Variants in LPP observed in about 807,000 individuals in gnomAD.
LPP encodes the protein LIM domain containing preferred translocation partner in lipoma.
A neutral mutation model predicts 60.4 loss-of-function variants in LPP; 38 were observed. The observed-to-expected ratio is 0.63, with a 90% CI of 0.49 to 0.83. The LOEUF is 0.83. LPP is among the 40% of genes least tolerant of loss of function. The pLI is 0.00. For synonymous variants in LPP, 328 were observed against 290.8 expected (o/e 1.13, Z -1.30); for missense variants, 902 against 783.6 (o/e 1.15, Z -1.80).
At chr3:188,737,701 G>A (rs1723010361) in intron 8 of LPP, among the ~76,000 whole-genome samples, 1 of 152,196 alleles carries the variant, frequency 6.6e-6, no homozygotes, top group Admixed American at 6.5e-5. Flanking sequence ...GTTTGCTGCT[G>A]AATGTATCAG....
chr3:188,298,463 C>T (rs1399355340), intron 2 of LPP, among the ~76,000 whole-genome samples: 1 of 152,132 alleles, frequency 6.6e-6, no homozygotes, highest in Non-Finnish European at 1.5e-5. Context: ...ATTGTTCTCA[C>T]CTAAGTCTGT....
intron 2 of LPP, among the ~76,000 whole-genome samples, chr3:188,292,788 A>G (rs549375282): frequency 1.3e-5 from 2 of 152,312 alleles, no homozygotes; most frequent in South Asian, 2.1e-4. Flanking sequence ...CATGCTTTAT[A>G]AGGAGGCAGA....
At chr3:188,555,381 T>G (rs1342172369) in intron 6 of LPP, among the ~76,000 whole-genome samples, 1 of 152,260 alleles carries the variant, frequency 6.6e-6, no homozygotes, top group East Asian at 1.9e-4. Context: ...CAGGCAGCTT[T>G]CTGTAGGCTA....
Position 188,295,676 on chromosome 3 carries a change from C to A in LPP, c.-66-45987C>A, listed in dbSNP as rs1168579771. On this transcript the variant is annotated intron_variant, in intron 2 of 11. Transcript: ENST00000617246. ...CCTCAGCCTCCCGAGTAACCTGGAA[C>A]AACAGGCATGCACCACTGTGCCCAC... is the stretch of plus-strand genomic sequence containing the variant. 2.6e-5 allele frequency among the ~76,000 whole-genome samples: 4 copies of A among 152,054 alleles called. No individual in the cohort carries two copies. The South Asian group carries it at 8.3e-4, about 32-fold the overall frequency.
At chr3:188,314,140 A>T (rs1754353946) in intron 2 of LPP, among the ~76,000 whole-genome samples, 1 of 152,182 alleles carries the variant, frequency 6.6e-6, no homozygotes, top group Admixed American at 6.5e-5. Flanking sequence ...TAGAATAGTA[A>T]ATATTAAATA....
At chr3:188,471,401 T>C (rs1376556629) in intron 4 of LPP, among the ~76,000 whole-genome samples, 1 of 152,182 alleles carries the variant, frequency 6.6e-6, no homozygotes, top group African/African-American at 2.4e-5. Flanking sequence ...TTAGTCTAGA[T>C]ATGAGGTAAC....
chr3:188,434,028 G>C (rs1291232459), intron 4 of LPP, among the ~76,000 whole-genome samples: 1 of 152,100 alleles, frequency 6.6e-6, no homozygotes, highest in Non-Finnish European at 1.5e-5. Flanking sequence ...GTTTCCAGTT[G>C]CGATCTGGAT....
In LPP at chr3:188,878,401, T is replaced by C; in HGVS notation, c.*3922T>C. 1 of 215,818 alleles carries C rather than the reference T, an allele frequency of 4.6e-6. No individual in the cohort carries two copies. The highest frequency in any genetic ancestry group is 9.4e-6 in the Non-Finnish European group (1 of 106,822). The allele number at this position is 215,818 out of a possible 1,614,324, so 13.4% of individuals were successfully genotyped here. On this transcript the variant is annotated 3_prime_UTR_variant, in exon 12 of 12. Transcript: ENST00000617246. ...TCATATACATTTCTAGAAATATTGC[T>C]ATTCTACCTTAGTATTTCACATTTG...
chr3:188,240,713 T>A (rs1724217423), intron 2 of LPP, among the ~76,000 whole-genome samples: 1 of 152,144 alleles, frequency 6.6e-6, no homozygotes, highest in African/African-American at 2.4e-5. Context: ...TCAACCTTCT[T>A]TGGGATTCTT....
At chr3:188,291,944 G>C (rs1746135835) in intron 2 of LPP, among the ~76,000 whole-genome samples, 3 of 152,132 alleles carry the variant, frequency 2.0e-5, no homozygotes, top group Admixed American at 1.3e-4. Flanking sequence ...TTCTTACCAA[G>C]TACTGTCAGA....
intron 3 of LPP, among the ~76,000 whole-genome samples, chr3:188,343,373 T>C (rs1212569217): frequency 6.6e-6 from 1 of 152,224 alleles, no homozygotes; most frequent in Non-Finnish European, 1.5e-5. Flanking sequence ...TTATTTCTTT[T>C]CTAGTCCACA....
At chr3:188,536,534 C>A (rs1030028369) in intron 6 of LPP, among the ~76,000 whole-genome samples, 2 of 152,314 alleles carry the variant, frequency 1.3e-5, no homozygotes, top group East Asian at 3.9e-4. Context: ...TGTGTCCATA[C>A]ACATATATTT....
chr3:188,658,088 A>C (rs921543987), intron 7 of LPP, among the ~76,000 whole-genome samples: 10 of 103,950 alleles, frequency 9.6e-5, no homozygotes, highest in Non-Finnish European at 2.1e-5. Flanking sequence ...TTGTTTTTGA[A>C]ACATTTGAAG....
intron 9 of LPP, among the ~76,000 whole-genome samples, chr3:188,780,491 G>A (rs1739283675): frequency 6.6e-6 from 1 of 152,126 alleles, no homozygotes; most frequent in African/African-American, 2.4e-5. Flanking sequence ...GGTAAAGAGG[G>A]TGACATTCCC....
intron 9 of LPP, among the ~76,000 whole-genome samples, chr3:188,781,631 C>A (rs979214391): frequency 6.6e-6 from 1 of 151,784 alleles, no homozygotes; most frequent in East Asian, 1.9e-4. Context: ...CACCTGTAAT[C>A]CCAGCACTTT....
intron 3 of LPP, among the ~76,000 whole-genome samples, chr3:188,385,315 A>G (rs6784468): frequency 0.021 from 3,181 of 152,220 alleles, 100 homozygotes; most frequent in African/African-American, 0.074. Context: ...TTGCATTAAC[A>G]CAGGACTTGT....
At chr3:188,501,610 G>T (rs538163254) in intron 5 of LPP, among the ~76,000 whole-genome samples, 1 of 152,154 alleles carries the variant, frequency 6.6e-6, no homozygotes, top group Non-Finnish European at 1.5e-5. Flanking sequence ...TTAGCCGGGC[G>T]TGGTGGCGGG....
chr3:188,757,024 C>T (rs992694284), intron 8 of LPP, among the ~76,000 whole-genome samples: 2 of 152,224 alleles, frequency 1.3e-5, no homozygotes, highest in Admixed American at 1.3e-4. Context: ...ACTAGAATGT[C>T]TTTTCCTCTT....
intron 2 of LPP, chr3:188,240,199 T>TTTTCCTTTCAG: frequency 5.5e-6 from 1 of 180,242 alleles, no homozygotes; most frequent in African/African-American, 2.4e-5. Context: ...GTGTGTTTCA[T>TTTTCCTTTCAG]TTTCCTTTCA....
Sources: gnomAD v4.1 joint callset for allele counts (sites outside exome capture counted in the v4.1 genomes callset) on GRCh38, gnomAD v4.1.1 for gene constraint, MANE v1.5 for transcripts, NCBI Gene and HGNC (gene_info 2026-07-23, HGNC 2026-07-21) for gene names.